The following ZNF423 variants were observed in gnomAD, a reference collection of about 807,000 sequenced individuals.
ZNF423 encodes the protein zinc finger protein 423, also known as Ebf-associated zinc finger protein.
In ZNF423, 12 loss-of-function variants were observed where a neutral mutation model predicts 95.8. The ratio of observed to expected loss-of-function variants is 0.13; its 90% CI spans 0.08 to 0.20. ZNF423 has a LOEUF of 0.20. Ranked by LOEUF, ZNF423 falls within the 10% of genes least tolerant of loss-of-function variation. ZNF423 has a pLI of 1.00. For missense variants in ZNF423, 1,316 were observed against 1,737.1 expected (o/e 0.76, Z 4.31); for synonymous variants, 749 against 711.9 (o/e 1.05, Z -0.83).
intron 1 of ZNF423, among the ~76,000 whole-genome samples, chr16:49,814,122 C>T (rs28715016): frequency 4.9e-4 from 74 of 150,968 alleles, no homozygotes; most frequent in African/African-American, 1.8e-3. Flanking sequence ...AAGAGCCAGG[C>T]CCTGAGGAGC....
At chr16:49,854,372 G>A (rs532025816) in intron 1 of ZNF423, 29 of 985,462 alleles carry the variant, frequency 2.9e-5, no homozygotes, top group Non-Finnish European at 3.0e-5. Context: ...ACTGACGAGT[G>A]TCTCAAGATC....
chr16:49,855,898 C>A lies in ZNF423; in HGVS notation c.-124G>T. On this transcript the variant is annotated 5_prime_UTR_variant, in exon 1 of 8. Coordinates refer to ENST00000563137, the MANE Select transcript of ZNF423 (RefSeq NM_001379286.1). The surrounding 1 kb of genome is among the most constrained non-coding windows in gnomAD (Gnocchi z 4.7). ...CTCTTGGAAACTTTTTTTTTTGCAG[C>A]CCGGTTGGCGGCTGTGGGGAGCGGA... 1 of 151,014 alleles carries A rather than the reference C, an allele frequency of 6.6e-6. No individual in the cohort carries two copies. The highest frequency in any genetic ancestry group is 1.5e-5 in the Non-Finnish European group (1 of 67,524). 9.4% of individuals were successfully genotyped at this position (151,014 alleles called of 1,614,324 possible).
chr16:49,595,299 A>G (rs1357175606), intron 5 of ZNF423, among the ~76,000 whole-genome samples: 2 of 152,228 alleles, frequency 1.3e-5, no homozygotes, highest in Admixed American at 6.5e-5. Flanking sequence ...GTCCCTGGAC[A>G]TACTTCAGTG....
intron 2 of ZNF423, among the ~76,000 whole-genome samples, chr16:49,740,983 C>T (rs1405066342): frequency 6.6e-6 from 1 of 152,194 alleles, no homozygotes; most frequent in Non-Finnish European, 1.5e-5. Flanking sequence ...ACCTATTTTA[C>T]AGACGGCAAA....
At chr16:49,611,342 G>C (rs1315140907) in intron 5 of ZNF423, among the ~76,000 whole-genome samples, 1 of 151,896 alleles carries the variant, frequency 6.6e-6, no homozygotes, top group East Asian at 1.9e-4. Context: ...GAAATTAATA[G>C]CAGAAAGGCA....
intron 3 of ZNF423, among the ~76,000 whole-genome samples, chr16:49,689,808 G>A (rs1464605794): frequency 1.3e-5 from 2 of 152,164 alleles, no homozygotes; most frequent in African/African-American, 4.8e-5. Context: ...AGGGGTGGCT[G>A]TCCTTCCCCC....
In ZNF423 at chr16:49,509,577, T is replaced by C. The variant is rs566869476; in HGVS notation, c.3849+14047A>G. 2.0e-5 allele frequency among the ~76,000 whole-genome samples: 3 copies of C among 152,296 alleles called. No homozygotes were observed. The East Asian group carries it at 5.8e-4, about 29-fold the overall frequency. On this transcript the variant is annotated intron_variant, in intron 7 of 7. Transcript: ENST00000563137. ...TTAATTTCTTTGTAAATGTCATTAG[T>C]AATTGTTCCTGCTTGACCAAAGAGT...
At chr16:49,516,227 T>C (rs1257783775) in intron 7 of ZNF423, among the ~76,000 whole-genome samples, 1 of 151,892 alleles carries the variant, frequency 6.6e-6, no homozygotes, top group Non-Finnish European at 1.5e-5. Flanking sequence ...CAATGTGGGG[T>C]CTCCTGTGCC....
intron 1 of ZNF423, among the ~76,000 whole-genome samples, chr16:49,805,151 T>C (rs2034642363): frequency 6.6e-6 from 1 of 152,090 alleles, no homozygotes; most frequent in Non-Finnish European, 1.5e-5. Context: ...TCCACCTGCC[T>C]CAGCCTCCCA....
chr16:49,667,218 G>T (rs2030588205), intron 3 of ZNF423, among the ~76,000 whole-genome samples: 1 of 152,208 alleles, frequency 6.6e-6, no homozygotes, highest in Admixed American at 6.5e-5. Context: ...TTTCATTAGA[G>T]ATGCCAGTAA....
chr16:49,749,563 C>T (rs1337166811), intron 2 of ZNF423, among the ~76,000 whole-genome samples: 1 of 152,256 alleles, frequency 6.6e-6, no homozygotes, highest in African/African-American at 2.4e-5. Flanking sequence ...AGCGCGATCC[C>T]GCACATCCTC....
At chr16:49,738,902 A>G (rs963300053) in intron 2 of ZNF423, among the ~76,000 whole-genome samples, 1 of 152,078 alleles carries the variant, frequency 6.6e-6, no homozygotes, top group Non-Finnish European at 1.5e-5. Context: ...CCAACTGTAC[A>G]GGAGCCATCG....
At chr16:49,749,967 ACAT>A (rs2033602401) in intron 2 of ZNF423, among the ~76,000 whole-genome samples, 2 of 152,182 alleles carry the variant, frequency 1.3e-5, no homozygotes, top group Non-Finnish European at 2.9e-5. Flanking sequence ...CACTCTCCCC[ACAT>A]CCCAGTCCAT....
At chr16:49,770,355 C>T (rs1319245537) in intron 2 of ZNF423, among the ~76,000 whole-genome samples, 1 of 152,158 alleles carries the variant, frequency 6.6e-6, no homozygotes, top group Non-Finnish European at 1.5e-5. Context: ...AGTAGAACTT[C>T]CTGGTGCTAG....
intron 7 of ZNF423, among the ~76,000 whole-genome samples, chr16:49,512,940 T>C (rs1459686135): frequency 6.6e-6 from 1 of 151,874 alleles, no homozygotes; most frequent in African/African-American, 2.4e-5. Context: ...CTCCTAAAAA[T>C]ACAAAATTAG....
At position 49,642,232 on chromosome 16, in the gene ZNF423, G is replaced by C. The variant is rs1596775651; in HGVS notation, c.302-3358C>G. On this transcript the variant is annotated intron_variant, in intron 3 of 7. Transcript: ENST00000563137. ...ACATTCCCATTTCTGAGATGAGGAAGTGGGGTTCAGGGAGGTGAGGAACTG... is the reference window on the plus strand; with the variant it reads ...ACATTCCCATTTCTGAGATGAGGAACTGGGGTTCAGGGAGGTGAGGAACTG... Among the ~76,000 whole-genome samples, 6 of 152,296 alleles carry C rather than the reference G, an allele frequency of 3.9e-5. No homozygotes were observed. The East Asian group carries it at 9.6e-4, about 24-fold the overall frequency.
intron 5 of ZNF423, among the ~76,000 whole-genome samples, chr16:49,592,502 C>G (rs1031404549): frequency 1.3e-5 from 2 of 152,230 alleles, no homozygotes; most frequent in Non-Finnish European, 2.9e-5. Flanking sequence ...AATGCAGGCT[C>G]CCCTAAAACA....
At chr16:49,842,415 AGGCAGGCAGGCAGGC>A (rs2035200213) in intron 1 of ZNF423, among the ~76,000 whole-genome samples, 10 of 93,444 alleles carry the variant, frequency 1.1e-4, no homozygotes, top group Admixed American at 2.1e-4. Context: ...GAAGGAAGGC[AGGCAGGCAGGCAGGC>A]AGGCAGGCAG....
At chr16:49,680,973 G>A (rs2031328996) in intron 3 of ZNF423, among the ~76,000 whole-genome samples, 1 of 152,200 alleles carries the variant, frequency 6.6e-6, no homozygotes, top group Non-Finnish European at 1.5e-5. Flanking sequence ...TCACAGGTAT[G>A]AGCCACCATG....
Sources: gnomAD v4.1 joint callset for allele counts (sites outside exome capture counted in the v4.1 genomes callset) on GRCh38, gnomAD v4.1.1 for gene constraint, Gnocchi (gnomAD v3.1) non-coding constraint, MANE v1.5 for transcripts, NCBI Gene and HGNC (gene_info 2026-07-23, HGNC 2026-07-21) for gene names.